Variants in BMS1 observed in about 807,000 individuals in gnomAD.
BMS1 encodes the protein ribosome biogenesis protein BMS1 homolog.
BMS1 carries 53 observed loss-of-function variants against 138.7 expected under a neutral mutation model. The observed-to-expected ratio is 0.38, with a 90% CI of 0.31 to 0.48. BMS1 has a LOEUF of 0.48. Among genes scored for constraint, BMS1 ranks in the 20% least tolerant of loss-of-function variants. The pLI, the probability that BMS1 is intolerant of heterozygous loss-of-function variation, is 0.97. For missense variants in BMS1, 1,360 were observed against 1,565.5 expected (o/e 0.87, Z 2.22); for synonymous variants, 504 against 539.9 (o/e 0.93, Z 0.92).
rs567180570 is a variant in BMS1, at chr10:42,829,763, A to G, written c.3457-498A>G. 4.0e-4 allele frequency among the ~76,000 whole-genome samples: 61 copies of G among 151,770 alleles called. 1 individual carries two copies. The highest frequency in any genetic ancestry group is 1.5e-3 in the African/African-American group (61 of 41,388). ...CTTGAACCCAGGAGGTGGAGGTTGC[A>G]TGAGCCGAGATCACGGCACTGCTCT... On this transcript the variant is annotated intron_variant, in intron 21 of 22. Transcript: ENST00000374518.
intron 17 of BMS1, 63 bp downstream of exon 17, chr10:42,820,751 T>A (rs1024955931): frequency 5.3e-5 from 83 of 1,560,890 alleles, no homozygotes; most frequent in Middle Eastern, 4.7e-4. Context: ...TGCGTTATTA[T>A]AGCTTTGTGC....
chr10:42,809,334 G>T (rs1842100852), intron 13 of BMS1, among the ~76,000 whole-genome samples: 1 of 151,792 alleles, frequency 6.6e-6, no homozygotes, highest in South Asian at 2.1e-4. Flanking sequence ...AGATTGCCTG[G>T]GATTGTCTAC....
chr10:42,792,854 G>A, intron 7 of BMS1, 103 bp from the exon 8 acceptor site: 3 of 1,383,766 alleles, frequency 2.2e-6, no homozygotes, highest in Admixed American at 2.2e-5. Context: ...TTAGTGTTAT[G>A]GGTTAAGCCC....
chr10:42,803,459 T>G (rs1216062551), intron 13 of BMS1, among the ~76,000 whole-genome samples: 1 of 152,098 alleles, frequency 6.6e-6, no homozygotes, highest in Non-Finnish European at 1.5e-5. Context: ...GAATGTATTC[T>G]TTATATATAT....
At chr10:42,826,235 T>TG (rs1238445285) in intron 21 of BMS1, among the ~76,000 whole-genome samples, 18 of 114,404 alleles carry the variant, frequency 1.6e-4, no homozygotes, top group African/African-American at 4.9e-4. Context: ...AGTTTTTGTT[T>TG]GTTGTGTGTG....
In BMS1 at chr10:42,820,344, T is replaced by G; in HGVS notation, c.2689T>G (p.Phe897Val). 1 of 1,613,794 alleles carries G rather than the reference T, an allele frequency of 6.2e-7. No homozygotes were observed. Among genetic ancestry groups the G allele is most frequent in the Non-Finnish European group, 8.5e-7 (1 of 1,179,864 alleles). ...RIEIENVPCE[F>V]VQNFDPHYPI... is the part of the protein sequence containing the mutation. ...TGAGATTGAAAATGTTCCCTGTGAA[T>G]TTGTGCAGAACTTTGACCCCCATTA... The change falls in exon 16 of 23, where the codon TTT becomes GTT. Residue 897 changes from phenylalanine to valine, a missense_variant. Coordinates refer to ENST00000374518, the MANE Select transcript of BMS1 (RefSeq NM_014753.4).
rs140998042 is a variant in BMS1 at position 42,797,094 on chromosome 10, T to C, written c.1850T>C (p.Leu617Pro). 140 of 1,614,106 alleles carry C rather than the reference T, an allele frequency of 8.7e-5. No individual in the cohort carries two copies. The highest frequency in any genetic ancestry group is 1.1e-4 in the Non-Finnish European group (131 of 1,180,038). The change falls in exon 10 of 23, where the codon CTT (leucine) becomes CCT (proline). Residue 617 changes from leucine (L) to proline (P), a missense_variant. Leu to Pro is a moderately conservative substitution (Grantham distance 98). Coordinates refer to ENST00000374518, the MANE Select transcript of BMS1 (RefSeq NM_014753.4). ...AATGAAGAGGCTATTAGAAAAAAGCTTTCAAAGCCTTCTCAAGTGAGCAGT... is the reference window on the plus strand; with the variant it reads ...AATGAAGAGGCTATTAGAAAAAAGCCTTCAAAGCCTTCTCAAGTGAGCAGT... ...SENEEAIRKK[L>P]SKPSQVSSGQ... is the part of the protein sequence containing the mutation.
rs565731481 is a variant in BMS1, at chr10:42,787,242, G to T, written c.442G>T (p.Asp148Tyr). 3.1e-5 allele frequency: 38 copies of T among 1,245,356 alleles called. No homozygotes were observed. The highest frequency in any genetic ancestry group is 4.3e-5 in the Non-Finnish European group (37 of 866,158). The allele number at this position is 1,245,356 out of a possible 1,614,324, so 77.1% of individuals were successfully genotyped here. A position where few individuals can be genotyped will look rare whatever the true frequency, so the allele number is the denominator to read the frequency against. The change falls in exon 4 of 23, where the codon GAT becomes TAT. Residue 148 changes from aspartate to tyrosine, a missense_variant. Around this residue, in one of 3 missense-constraint regions of BMS1, gnomAD observed 238 missense variants for 311.1 expected, o/e 0.77. Coordinates refer to ENST00000374518, the MANE Select transcript of BMS1 (RefSeq NM_014753.4). ...NMMIDLAKVA[D>Y]LVLMLIDASF... is the part of the protein sequence containing the mutation. ...GATGATTGATCTGGCTAAAGTAGCA[G>T]ATCTGGTAAGTGAGCAGGGGCAGCC...
intron 3 of BMS1, among the ~76,000 whole-genome samples, chr10:42,786,470 A>T (rs1402109122): frequency 1.3e-5 from 2 of 151,992 alleles, no homozygotes; most frequent in Non-Finnish European, 2.9e-5. Flanking sequence ...TACAGGCTGG[A>T]GTGCAGTGGT....
intron 4 of BMS1, among the ~76,000 whole-genome samples, chr10:42,789,359 G>A (rs548928581): frequency 6.6e-5 from 10 of 152,220 alleles, no homozygotes; most frequent in Admixed American, 3.3e-4. Flanking sequence ...CTGTGGTTTC[G>A]GATTTTGAAT....
intron 13 of BMS1, among the ~76,000 whole-genome samples, chr10:42,811,103 C>T: frequency 6.6e-6 from 1 of 151,878 alleles, no homozygotes; most frequent in Admixed American, 6.6e-5. Flanking sequence ...AGTGCAGTGG[C>T]ACGTTCTTGG....
In BMS1 at chr10:42,796,999, A is replaced by AG; in HGVS notation, c.1756dup (p.Glu586GlyfsTer6). 1 of 1,614,208 alleles carries AG rather than the reference A, an allele frequency of 6.2e-7. No homozygotes were observed. The highest frequency in any genetic ancestry group is 1.1e-5 in the South Asian group (1 of 91,084). ...TCGATTCTGGGCATTGCACAGCTGA[A>AG]GAGGTGTTTGCATCTGAAGATGAAT... On this transcript the variant is annotated frameshift_variant, in exon 10 of 23. Transcript: ENST00000374518. LOFTEE classifies it high-confidence loss of function.
At position 42,802,219 on chromosome 10, in the gene BMS1, G is replaced by A; in HGVS notation, c.2329+1G>A. The A allele has an allele frequency of 6.2e-7, 1 of 1,612,784 alleles. No homozygotes were observed. Among genetic ancestry groups the A allele is most frequent in the Non-Finnish European group, 8.5e-7 (1 of 1,179,206 alleles). On this transcript the variant is annotated splice_donor_variant, in intron 13 of 22. Coordinates refer to ENST00000374518, the MANE Select transcript of BMS1 (RefSeq NM_014753.4). LOFTEE classifies it high-confidence loss of function. Reference sequence around the variant, plus strand: ...GCAGCCAAGGTCTTAGCAGAAGATGGTAAGTAAAGAGCTGGGTTCTTCAGG... The same window carrying A: ...GCAGCCAAGGTCTTAGCAGAAGATGATAAGTAAAGAGCTGGGTTCTTCAGG...
chr10:42,820,600 C>A lies in BMS1; in HGVS notation c.2862C>A (p.Ile954=), dbSNP rs759857335. The A allele has an allele frequency of 2.5e-6, 4 of 1,611,646 alleles. No homozygotes were observed. Among genetic ancestry groups the A allele is most frequent in the Non-Finnish European group, 3.4e-6 (4 of 1,179,716 alleles). The change falls in exon 17 of 23, where the codon ATC becomes ATA. Residue 954 remains isoleucine, a synonymous_variant. Coordinates refer to ENST00000374518, the MANE Select transcript of BMS1 (RefSeq NM_014753.4). ...TAGGGTGGAGGAGGTTTCAGACCAT[C>A]CCACTGTATTATATCGAAGACCACA... The part of the protein sequence containing the change: ...FSVGWRRFQT[I]PLYYIEDHNG...
intron 12 of BMS1, among the ~76,000 whole-genome samples, chr10:42,801,073 G>A (rs61844814): frequency 0.098 from 14,977 of 152,136 alleles, 879 homozygotes; most frequent in African/African-American, 0.14. Context: ...ATGAGAGAGC[G>A]CTTGGAATCA....
chr10:42,816,527 C>T, intron 13 of BMS1, 72 bp from the exon 14 acceptor site: 1 of 1,263,874 alleles, frequency 7.9e-7, no homozygotes, highest in Admixed American at 1.9e-5. Context: ...ACACTGTGGG[C>T]CTGTGGTAGG....
rs1842837111 is a variant in BMS1, at chr10:42,833,816, G to C, written c.*2720G>C. 1.3e-5 allele frequency: 2 copies of C among 152,208 alleles called. No homozygotes were observed. Among genetic ancestry groups the C allele is most frequent in the Admixed American group, 1.3e-4 (2 of 15,262 alleles). 9.4% of individuals were successfully genotyped at this position (152,208 alleles called of 1,614,324 possible). A position where few individuals can be genotyped will look rare whatever the true frequency, so the allele number is the denominator to read the frequency against. ...ATGGCTTATTAATTTGATATTGTCA[G>C]CAAGTATGTTGCAAAAACAAATTCC... On this transcript the variant is annotated 3_prime_UTR_variant, in exon 23 of 23. Transcript: ENST00000374518.
At chr10:42,795,440 C>T (rs1841649840) in intron 9 of BMS1, among the ~76,000 whole-genome samples, 1 of 151,892 alleles carries the variant, frequency 6.6e-6, no homozygotes, top group Non-Finnish European at 1.5e-5. Context: ...CTGCTTCAGC[C>T]CCCCAAGTAG....
At chr10:42,797,310 T>A in intron 10 of BMS1, 79 bp downstream of exon 10, 1 of 1,573,912 alleles carries the variant, frequency 6.4e-7, no homozygotes, top group South Asian at 1.2e-5. Flanking sequence ...CATTTAGGGG[T>A]CTGTTGATTC....
Sources: gnomAD v4.1 joint callset for allele counts (sites outside exome capture counted in the v4.1 genomes callset) on GRCh38, gnomAD v4.1.1 for gene constraint, gnomAD v4.1.1 regional missense constraint, MANE v1.5 for transcripts, NCBI Gene and HGNC (gene_info 2026-07-23, HGNC 2026-07-21) for gene names.